Variants in LITAF observed in about 807,000 individuals in gnomAD.
LITAF encodes lipopolysaccharide-induced tumor necrosis factor-alpha factor.
Under a neutral mutation model 14.5 loss-of-function variants are expected in LITAF, and 9 were observed. That is an observed-to-expected ratio of 0.62 (90% CI 0.37 to 1.08). LITAF has a LOEUF of 1.08. Ranked by LOEUF, LITAF falls within the 50% of genes least tolerant of loss-of-function variation. The pLI is 0.01. For synonymous variants in LITAF, 98 were observed against 88.2 expected (o/e 1.11, Z -0.62); for missense variants, 206 against 213.4 (o/e 0.97, Z 0.22).
At chr16:11,565,584 A>C (rs563526493) in intron 1 of LITAF, among the ~76,000 whole-genome samples, 29 of 151,976 alleles carry the variant, frequency 1.9e-4, no homozygotes, top group African/African-American at 7.0e-4. Flanking sequence ...GTTTGTTTAA[A>C]ATCAAGCCAC....
chr16:11,569,852 G>A (rs1038745832), intron 1 of LITAF, among the ~76,000 whole-genome samples: 5 of 152,112 alleles, frequency 3.3e-5, no homozygotes, highest in Non-Finnish European at 1.5e-5. Flanking sequence ...GGCCAACATG[G>A]CAAAACTCTT....
intron 1 of LITAF, among the ~76,000 whole-genome samples, chr16:11,593,052 C>T (rs2064857516): frequency 1.3e-5 from 2 of 151,862 alleles, no homozygotes; most frequent in Admixed American, 1.3e-4. Flanking sequence ...GCGCCTGTAG[C>T]CCCAGCTACT....
chr16:11,551,342 T>C (rs57792815), intron 3 of LITAF, among the ~76,000 whole-genome samples: 48,491 of 152,062 alleles, frequency 0.32, 7,944 homozygotes, highest in East Asian at 0.49. Flanking sequence ...CAGCAGGCCC[T>C]GAGGTGGGCG....
chr16:11,617,250 T>C (rs902281529), intron 3 of LITAF, among the ~76,000 whole-genome samples: 5 of 151,870 alleles, frequency 3.3e-5, no homozygotes, highest in Non-Finnish European at 7.4e-5. Context: ...ATAAAAAAGA[T>C]GCCAGCACAT....
chr16:11,634,910 T>C lies in LITAF; in HGVS notation c.-21+915A>G, dbSNP rs1483067855. Reference sequence around the variant, plus strand: ...CTAGCTGGGCGTGTTGGTGGGCACCTATAATCCCAGCTATTTGGGAGGCTG... The same window carrying C: ...CTAGCTGGGCGTGTTGGTGGGCACCCATAATCCCAGCTATTTGGGAGGCTG... On this transcript the variant is annotated intron_variant, in intron 2 of 3. Coordinates refer to the LITAF transcript ENST00000574848. This position sits in a 1 kb window ranked among gnomAD's most constrained non-coding sequence, Gnocchi z 4.1. Among the ~76,000 whole-genome samples, 3 of 152,090 alleles carry C rather than the reference T, an allele frequency of 2.0e-5. No individual in the cohort carries two copies. The highest frequency in any genetic ancestry group is 4.4e-5 in the Non-Finnish European group (3 of 68,014).
chr16:11,612,045 T>G lies in LITAF; in HGVS notation c.85+21488A>C, dbSNP rs1326866691. Among the ~76,000 whole-genome samples the G allele has an allele frequency of 2.0e-5, 3 of 152,206 alleles. No individual in the cohort carries two copies. In the East Asian group the frequency reaches 5.8e-4, roughly 29 times the overall value. On this transcript the variant is annotated intron_variant, in intron 3 of 3. Coordinates refer to the LITAF transcript ENST00000574848. ...CATCCAACGCAACTTAATGGCTTCC[T>G]TCTTCCTTCTTCCCCTCGGGGCTCG...
In LITAF at chr16:11,634,526, C is replaced by T. The variant is rs536927944; in HGVS notation, c.-20-889G>A. Among the ~76,000 whole-genome samples, 20 of 152,306 alleles carry T rather than the reference C, an allele frequency of 1.3e-4. No individual in the cohort carries two copies. The highest frequency in any genetic ancestry group is 4.6e-4 in the African/African-American group (19 of 41,578). On this transcript the variant is annotated intron_variant, in intron 2 of 3. Coordinates refer to the LITAF transcript ENST00000574848. This position sits in a 1 kb window ranked among gnomAD's most constrained non-coding sequence, Gnocchi z 4.1. ...CCCCTATTGCCCCTGCAGATAACATCACTATTGTAGAATCTAAGATCGGCC... is the reference window on the plus strand; with the variant it reads ...CCCCTATTGCCCCTGCAGATAACATTACTATTGTAGAATCTAAGATCGGCC...
At chr16:11,583,571 G>A (rs893219255) in intron 1 of LITAF, among the ~76,000 whole-genome samples, 6 of 152,260 alleles carry the variant, frequency 3.9e-5, no homozygotes, top group South Asian at 2.1e-4. Flanking sequence ...TAGTTGTTTC[G>A]TTCTATAAGA....
intron 1 of LITAF, among the ~76,000 whole-genome samples, chr16:11,571,165 T>A (rs1031244770): frequency 1.3e-5 from 2 of 152,064 alleles, no homozygotes; most frequent in East Asian, 3.9e-4. Context: ...CCTCCCAGGT[T>A]CAAGCGATTC....
At chr16:11,550,654 G>A (rs1242017075) in intron 3 of LITAF, among the ~76,000 whole-genome samples, 1 of 152,096 alleles carries the variant, frequency 6.6e-6, no homozygotes, top group Admixed American at 6.6e-5. Context: ...TAGTCTTTTT[G>A]TTGCTGTGTT....
At chr16:11,625,657 C>T (rs1032433507) in intron 3 of LITAF, among the ~76,000 whole-genome samples, 10 of 152,114 alleles carry the variant, frequency 6.6e-5, no homozygotes, top group Non-Finnish European at 1.2e-4. Flanking sequence ...CTGAGTTCCC[C>T]TAGGTTGTGT....
intron 1 of LITAF, among the ~76,000 whole-genome samples, chr16:11,595,409 G>C (rs1016163274): frequency 1.3e-5 from 2 of 152,192 alleles, no homozygotes; most frequent in African/African-American, 2.4e-5. Context: ...AGGCTTTAGG[G>C]AGTGTTACTG....
intron 3 of LITAF, among the ~76,000 whole-genome samples, chr16:11,617,426 CTTTT>C (rs71136673): frequency 1.1e-4 from 8 of 73,740 alleles, no homozygotes; most frequent in African/African-American, 4.4e-4. Context: ...TGGCTTCACT[CTTTT>C]TTTTTTTTTT....
At chr16:11,579,340 A>G (rs1357111642) in intron 1 of LITAF, among the ~76,000 whole-genome samples, 4 of 151,468 alleles carry the variant, frequency 2.6e-5, no homozygotes, top group African/African-American at 9.7e-5. Context: ...AGTCCCAGCT[A>G]CTCGGGAGGC....
chr16:11,554,183 G>T (rs2064230421), intron 2 of LITAF, among the ~76,000 whole-genome samples: 1 of 152,182 alleles, frequency 6.6e-6, no homozygotes, highest in South Asian at 2.1e-4. Context: ...AGTGAATCAT[G>T]ATTGCGCCAC....
intron 3 of LITAF, chr16:11,551,844 A>G (rs2064186838): frequency 7.5e-6 from 4 of 531,436 alleles, no homozygotes; most frequent in Admixed American, 3.5e-5. Flanking sequence ...ACAAAACAAA[A>G]CAAGTTTCTA....
rs1413057041 is a variant in LITAF, at chr16:11,549,588, T to C, written c.*49A>G. 1 of 1,396,862 alleles carries C rather than the reference T, an allele frequency of 7.2e-7. No individual in the cohort carries two copies. The highest frequency in any genetic ancestry group is 1.4e-5 in the African/African-American group (1 of 70,428). The allele number at this position is 1,396,862 out of a possible 1,614,324, so 86.5% of individuals were successfully genotyped here. ...ACCAGGCGTGAAGCTGGATGAGAGGTGGAAAGGACTTCCTGCGGCACCCGG... is the reference window on the plus strand; with the variant it reads ...ACCAGGCGTGAAGCTGGATGAGAGGCGGAAAGGACTTCCTGCGGCACCCGG... On this transcript the variant is annotated 3_prime_UTR_variant, in exon 4 of 4. Coordinates refer to ENST00000622633, the MANE Select transcript of LITAF (RefSeq NM_001136472.2). The surrounding 1 kb of genome is among the most constrained non-coding windows in gnomAD (Gnocchi z 4.6).
intron 1 of LITAF, among the ~76,000 whole-genome samples, chr16:11,585,982 T>C (rs1567254278): frequency 6.6e-6 from 1 of 152,128 alleles, no homozygotes; most frequent in African/African-American, 2.4e-5. Flanking sequence ...CTTTCCCCTA[T>C]CACCTCCTCT....
At chr16:11,622,329 G>A (rs879920673) in intron 3 of LITAF, among the ~76,000 whole-genome samples, 1 of 152,218 alleles carries the variant, frequency 6.6e-6, no homozygotes, top group Non-Finnish European at 1.5e-5. Flanking sequence ...AGCCGCCTGC[G>A]GCCTCCCCCT....
Sources: gnomAD v4.1 joint callset for allele counts (sites outside exome capture counted in the v4.1 genomes callset) on GRCh38, gnomAD v4.1.1 for gene constraint, Gnocchi (gnomAD v3.1) non-coding constraint, MANE v1.5 for transcripts, NCBI Gene and HGNC (gene_info 2026-07-23, HGNC 2026-07-21) for gene names.